EFR3B: variants seen among roughly 807,000 people sequenced by gnomAD.
EFR3B encodes EFR3 homolog B, also known as protein EFR3 homolog B.
In EFR3B, 64 loss-of-function variants were observed where a neutral mutation model predicts 104.7. The ratio of observed to expected loss-of-function variants is 0.61; its 90% CI spans 0.50 to 0.75. The LOEUF is 0.75. Ranked by LOEUF, EFR3B falls within the 30% of genes least tolerant of loss-of-function variation. EFR3B has a pLI of 0.00. For synonymous variants in EFR3B, 385 were observed against 417.9 expected (o/e 0.92, Z 0.96); for missense variants, 750 against 1,078.5 (o/e 0.70, Z 4.27).
chr2:25,144,837 T>G, intron 18 of EFR3B, 123 bp from the exon 19 acceptor site: 1 of 716,652 alleles, frequency 1.4e-6, no homozygotes, highest in Non-Finnish European at 2.3e-6. Flanking sequence ...AGCCTGAGTG[T>G]GCACTGAGCC....
At chr2:25,146,190 T>A (rs1304627730) in intron 19 of EFR3B, 2 of 151,556 alleles carry the variant, frequency 1.3e-5, no homozygotes, top group Non-Finnish European at 2.9e-5. Context: ...TCCTCAGGCA[T>A]GGACAGGCTG....
chr2:25,069,845 C>A (rs181404128), intron 1 of EFR3B, among the ~76,000 whole-genome samples: 1 of 152,206 alleles, frequency 6.6e-6, no homozygotes, highest in East Asian at 1.9e-4. Flanking sequence ...TACAGGCATG[C>A]GCCACCACGC....
intron 4 of EFR3B, among the ~76,000 whole-genome samples, chr2:25,107,536 T>C (rs931750680): frequency 6.6e-6 from 1 of 152,184 alleles, no homozygotes; most frequent in Non-Finnish European, 1.5e-5. Context: ...TTGCTTCCCA[T>C]GTGATGCCAT....
intron 1 of EFR3B, among the ~76,000 whole-genome samples, chr2:25,047,587 C>T (rs1461900999): frequency 6.6e-6 from 1 of 152,146 alleles, no homozygotes; most frequent in East Asian, 1.9e-4. Context: ...CAACCTCCAC[C>T]TCCCAGGTTC....
chr2:25,135,535 C>G lies in EFR3B; in HGVS notation c.1380C>G (p.Leu460=). Residue 460 remains leucine, a synonymous_variant, in exon 13 of 23, where the codon CTC becomes CTG. Transcript: ENST00000403714. ...CTAGCAACTTCCTGGACCGCCTTCTCTCCACCGCCCTCATGGAGGATGCAG... is the reference window on the plus strand; with the variant it reads ...CTAGCAACTTCCTGGACCGCCTTCTGTCCACCGCCCTCATGGAGGATGCAG... ...ALPSNFLDRL[L]STALMEDAEI... The G allele has an allele frequency of 1.3e-6, 2 of 1,551,916 alleles. No homozygotes were observed. The highest frequency in any genetic ancestry group is 1.7e-6 in the Non-Finnish European group (2 of 1,147,028).
intron 1 of EFR3B, among the ~76,000 whole-genome samples, chr2:25,085,010 G>A (rs1349563030): frequency 1.3e-5 from 2 of 152,134 alleles, no homozygotes; most frequent in African/African-American, 4.8e-5. Flanking sequence ...ACAAAAGTTG[G>A]TGCTTGTGAA....
rs1277268879 is a variant in EFR3B, at chr2:25,135,549, T to G, written c.1394T>G (p.Met465Arg). 6.4e-7 allele frequency: 1 copy of G among 1,551,958 alleles called. No homozygotes were observed. The highest frequency in any genetic ancestry group is 8.7e-7 in the Non-Finnish European group (1 of 1,147,028). The change falls in exon 13 of 23, where the codon ATG becomes AGG. Residue 465 changes from methionine (M) to arginine (R), a missense_variant. Physicochemically the swap from Met to Arg is moderately conservative, Grantham distance 91. Transcript: ENST00000403714. ...FLDRLLSTAL[M>R]EDAEIRLFVL... ...GACCGCCTTCTCTCCACCGCCCTCA[T>G]GGAGGATGCAGAAATTCGACTCTTT...
intron 1 of EFR3B, among the ~76,000 whole-genome samples, chr2:25,048,825 G>A (rs898198916): frequency 1.3e-5 from 2 of 152,192 alleles, no homozygotes; most frequent in Non-Finnish European, 2.9e-5. Context: ...ACGTCTTGGT[G>A]GTAGTGGTCC....
chr2:25,117,405 C>T (rs1669892605), intron 4 of EFR3B, among the ~76,000 whole-genome samples: 1 of 151,888 alleles, frequency 6.6e-6, no homozygotes, highest in Non-Finnish European at 1.5e-5. Context: ...TACCTGTCCC[C>T]CACCCTCTTT....
Position 25,131,270 on chromosome 2 carries a change from C to G in EFR3B, c.850-98C>G. The G allele has an allele frequency of 6.8e-7, 1 of 1,475,320 alleles. No homozygotes were observed. The highest frequency in any genetic ancestry group is 9.0e-7 in the Non-Finnish European group (1 of 1,105,388). 91.4% of individuals were successfully genotyped at this position (1,475,320 alleles called of 1,614,324 possible). A position where few individuals can be genotyped will look rare whatever the true frequency, so the allele number is the denominator to read the frequency against. Reference sequence around the variant, plus strand: ...CAGTGCCCGGGGCCTTGGAACGTCCCTTTAGTTTACCCCCGCCTTTGGGTG... The same window carrying G: ...CAGTGCCCGGGGCCTTGGAACGTCCGTTTAGTTTACCCCCGCCTTTGGGTG... On this transcript the variant is annotated intron_variant, in intron 8 of 22. Transcript: ENST00000403714. This position sits in a 1 kb window ranked among gnomAD's most constrained non-coding sequence, Gnocchi z 7.6.
chr2:25,044,348 C>T (rs1349499124), intron 1 of EFR3B, among the ~76,000 whole-genome samples: 1 of 152,110 alleles, frequency 6.6e-6, no homozygotes, highest in African/African-American at 2.4e-5. Context: ...TTCGTATATT[C>T]CTGACTTTCA....
At chr2:25,059,833 C>A (rs2149168574) in intron 1 of EFR3B, among the ~76,000 whole-genome samples, 1 of 145,684 alleles carries the variant, frequency 6.9e-6, no homozygotes, top group African/African-American at 2.6e-5. Context: ...CAAGATCGCG[C>A]CATTGCACTC....
At chr2:25,098,600 G>A (rs999285067) in intron 3 of EFR3B, among the ~76,000 whole-genome samples, 12 of 152,094 alleles carry the variant, frequency 7.9e-5, no homozygotes, top group African/African-American at 1.2e-4. Context: ...CATTAGACTC[G>A]GGGCTTCCAA....
At chr2:25,086,133 G>A (rs775252728) in intron 1 of EFR3B, among the ~76,000 whole-genome samples, 15 of 151,934 alleles carry the variant, frequency 9.9e-5, no homozygotes, top group Admixed American at 2.0e-4. Flanking sequence ...ATAATATTCC[G>A]TTGTCTGGAT....
At chr2:25,151,882 G>A in intron 20 of EFR3B, 32 bp from the exon 21 acceptor site, 5 of 1,550,334 alleles carry the variant, frequency 3.2e-6, no homozygotes, top group South Asian at 1.2e-5. Flanking sequence ...AGTGAGCAGG[G>A]CCTGGCACTA....
chr2:25,139,195 G>T lies in EFR3B; in HGVS notation c.1854+5G>T, dbSNP rs1670595972. On this transcript the variant is annotated splice_donor_5th_base_variant and intron_variant, in intron 16 of 22. Coordinates refer to ENST00000403714, the MANE Select transcript of EFR3B (RefSeq NM_014971.2). ...TTCTGCCAGCACATCCATGAGGTTG[G>T]TGTTCTCACGACCAAGAGCTCAGGG... 1 of 1,549,534 alleles carries T rather than the reference G, an allele frequency of 6.5e-7. No individual in the cohort carries two copies. Among genetic ancestry groups the T allele is most frequent in the South Asian group, 1.2e-5 (1 of 83,778 alleles).
chr2:25,131,908 G>C lies in EFR3B; in HGVS notation c.1144G>C (p.Val382Leu), dbSNP rs1412723246. 1.3e-6 allele frequency: 2 copies of C among 1,520,520 alleles called. No individual in the cohort carries two copies. Among genetic ancestry groups the C allele is most frequent in the Non-Finnish European group, 1.8e-6 (2 of 1,132,770 alleles). 94.2% of individuals were successfully genotyped at this position (1,520,520 alleles called of 1,614,324 possible). The change falls in exon 10 of 23, where the codon GTG (valine) becomes CTG (leucine). Residue 382 changes from valine to leucine, a missense_variant. Transcript: ENST00000403714. The surrounding 1 kb of genome is among the most constrained non-coding windows in gnomAD (Gnocchi z 7.6). ...RMFQEAVIKT[V>L]GSFASTLPTY... ...GTTCCAGGAGGCCGTCATCAAGACC[G>C]TGGGTGCGGCGCGGGGCCGGGCCGG...
chr2:25,081,373 T>C, intron 1 of EFR3B: 6 of 1,006,044 alleles, frequency 6.0e-6, no homozygotes, highest in Non-Finnish European at 9.2e-6. Flanking sequence ...CCAGCAGTAC[T>C]CATAGTTACA....
At chr2:25,052,719 G>A (rs1262846315) in intron 1 of EFR3B, among the ~76,000 whole-genome samples, 4 of 151,730 alleles carry the variant, frequency 2.6e-5, no homozygotes, top group Non-Finnish European at 5.9e-5. Flanking sequence ...TGGTCAGGCT[G>A]ATCTTGAACT....
Sources: gnomAD v4.1 joint callset for allele counts (sites outside exome capture counted in the v4.1 genomes callset) on GRCh38, gnomAD v4.1.1 for gene constraint, Gnocchi (gnomAD v3.1) non-coding constraint, MANE v1.5 for transcripts, NCBI Gene and HGNC (gene_info 2026-07-23, HGNC 2026-07-21) for gene names.